Variants in ANAPC1 observed in about 807,000 individuals in gnomAD.
ANAPC1 encodes the protein anaphase-promoting complex subunit 1.
Under a neutral mutation model 208.0 loss-of-function variants are expected in ANAPC1, and 36 were observed. That is an observed-to-expected ratio of 0.17 (90% CI 0.13 to 0.23). The LOEUF is 0.23. ANAPC1 is among the 10% of genes least tolerant of loss of function. The pLI is 1.00. For missense variants in ANAPC1, 942 were observed against 2,011.6 expected (o/e 0.47, Z 10.17); for synonymous variants, 378 against 695.2 (o/e 0.54, Z 7.18).
chr2:111,832,647 T>C (rs1248341929), intron 20 of ANAPC1, among the ~76,000 whole-genome samples: 1 of 152,100 alleles, frequency 6.6e-6, no homozygotes, highest in African/African-American at 2.4e-5. Context: ...GCATCCTTGG[T>C]GGCCTGGCGC....
chr2:111,820,819 A>C (rs191892825), intron 26 of ANAPC1, among the ~76,000 whole-genome samples: 1 of 152,310 alleles, frequency 6.6e-6, no homozygotes, highest in Non-Finnish European at 1.5e-5. Context: ...CAAAAAAAAA[A>C]AATACTCATA....
chr2:111,856,574 G>A, intron 13 of ANAPC1, 40 bp downstream of exon 13: 2 of 1,536,622 alleles, frequency 1.3e-6, no homozygotes, highest in Non-Finnish European at 1.8e-6. Flanking sequence ...CAGGCAGCCT[G>A]AAGTCCTACT....
chr2:111,826,674 T>TA (rs1558696236), intron 21 of ANAPC1, among the ~76,000 whole-genome samples: 22 of 148,930 alleles, frequency 1.5e-4, no homozygotes, highest in African/African-American at 5.4e-4. Context: ...TATTTTTTTT[T>TA]TTTTTGAGAC....
At chr2:111,847,623 C>T (rs1041376185) in intron 15 of ANAPC1, 102 bp downstream of exon 15, 134 of 1,314,540 alleles carry the variant, frequency 1.0e-4, no homozygotes, top group Non-Finnish European at 1.3e-4. Flanking sequence ...TTTTTTAAAT[C>T]ATGAGAAATG....
In ANAPC1 at chr2:111,826,852, G is replaced by T. The variant is rs554183142; in HGVS notation, c.2626-997C>A. Among the ~76,000 whole-genome samples, 47 of 152,062 alleles carry T rather than the reference G, an allele frequency of 3.1e-4. No individual in the cohort carries two copies. The East Asian group carries it at 8.7e-3, about 28-fold the overall frequency. The stretch of plus-strand genomic sequence containing the variant: ...ATTTTTGTATTTTTAGTAGAGACAG[G>T]GTTTCACCATGTTGGCCAGGATGGT... On this transcript the variant is annotated intron_variant, in intron 21 of 47. Coordinates refer to ENST00000341068, the MANE Select transcript of ANAPC1 (RefSeq NM_022662.4).
At position 111,809,074 on chromosome 2, in the gene ANAPC1, G is replaced by C. The variant is rs140589913; in HGVS notation, c.3705C>G (p.Leu1235=). The C allele has an allele frequency of 3.7e-5, 60 of 1,611,960 alleles. 1 individual carries two copies. In the African/African-American group the frequency reaches 6.7e-4, roughly 18 times the overall value. Residue 1235 remains leucine, a synonymous_variant, in exon 29 of 48, where the codon CTC becomes CTG. Transcript: ENST00000341068. ...TRLLSIHIPA[L]LPPTSTELDV... ...CCAGCTCTGTGGACGTTGGGGGTAA[G>C]AGAGCAGGAATGTGAATGCTAAGAA...
Position 111,852,187 on chromosome 2 carries a change from T to C in ANAPC1, c.1516-1277A>G, listed in dbSNP as rs572258322. ...AAAAAGAAAAAAAAACTGAATAAAA[T>C]TTATAATGCAACTAACAGAAGATTC... On this transcript the variant is annotated intron_variant, in intron 13 of 47. Coordinates refer to ENST00000341068, the MANE Select transcript of ANAPC1 (RefSeq NM_022662.4). 1.4e-3 allele frequency among the ~76,000 whole-genome samples: 212 copies of C among 150,156 alleles called. 1 individual carries two copies. The highest frequency in any genetic ancestry group is 5.1e-3 in the African/African-American group (209 of 40,884).
At position 111,788,288 on chromosome 2, in the gene ANAPC1, G is replaced by A; in HGVS notation, c.4745C>T (p.Ala1582Val). The change falls in exon 39 of 48, where the codon GCC (alanine) becomes GTC (valine). Residue 1582 changes from alanine (A) to valine (V), a missense_variant. By Grantham distance (64) the Ala-to-Val change is moderately conservative. Coordinates refer to ENST00000341068, the MANE Select transcript of ANAPC1 (RefSeq NM_022662.4). ...YSLSTSNSSI[A>V]ALLCALYPHF... ...CGGATAAAGGGCACAGAGAAGAGCGGCAATGGAAGAATTTGATGTGCTCAA... is the reference window on the plus strand; with the variant it reads ...CGGATAAAGGGCACAGAGAAGAGCGACAATGGAAGAATTTGATGTGCTCAA... 1 of 1,613,734 alleles carries A rather than the reference G, an allele frequency of 6.2e-7. No individual in the cohort carries two copies. Among genetic ancestry groups the A allele is most frequent in the Non-Finnish European group, 8.5e-7 (1 of 1,179,702 alleles).
intron 26 of ANAPC1, among the ~76,000 whole-genome samples, chr2:111,820,940 C>G (rs1230289679): frequency 6.6e-6 from 1 of 150,626 alleles, no homozygotes; most frequent in Admixed American, 6.6e-5. Flanking sequence ...AGGTAACTAT[C>G]AGGCAAAATA....
At position 111,876,171 on chromosome 2, in the gene ANAPC1, C is replaced by G. The variant is rs1683014798; in HGVS notation, c.376-2507G>C. 3.3e-5 allele frequency among the ~76,000 whole-genome samples: 5 copies of G among 152,078 alleles called. No individual in the cohort carries two copies. In the South Asian group the frequency reaches 1.0e-3, roughly 32 times the overall value. On this transcript the variant is annotated intron_variant, in intron 3 of 47. Coordinates refer to ENST00000341068, the MANE Select transcript of ANAPC1 (RefSeq NM_022662.4). The stretch of plus-strand genomic sequence containing the variant: ...TTAGGAGGCCAAGCCAGGAGGATCA[C>G]TAGAGCCCAGGGGTTCAAGACCAGC...
intron 46 of ANAPC1, among the ~76,000 whole-genome samples, chr2:111,773,446 G>A (rs1244454679): frequency 6.6e-6 from 1 of 152,118 alleles, no homozygotes; most frequent in East Asian, 1.9e-4. Context: ...GACCCTTTAC[G>A]TGCCTTACCT....
intron 39 of ANAPC1, among the ~76,000 whole-genome samples, chr2:111,786,078 T>G (rs963674260): frequency 3.3e-5 from 5 of 149,990 alleles, no homozygotes; most frequent in African/African-American, 1.2e-4. Context: ...ACAAAAAAGT[T>G]TTCATATTTT....
intron 16 of ANAPC1, among the ~76,000 whole-genome samples, chr2:111,846,907 C>T (rs147809886): frequency 0.087 from 13,138 of 151,844 alleles, 698 homozygotes; most frequent in East Asian, 0.17. Context: ...CAATATTCCC[C>T]AACAGAAGAA....
chr2:111,832,730 C>A (rs1414991135), intron 20 of ANAPC1, among the ~76,000 whole-genome samples: 13 of 151,848 alleles, frequency 8.6e-5, no homozygotes, highest in Admixed American at 7.2e-4. Context: ...GAGATCAAGA[C>A]CATCCTGTGT....
At chr2:111,798,332 G>C (rs1343266145) in intron 34 of ANAPC1, among the ~76,000 whole-genome samples, 1 of 152,176 alleles carries the variant, frequency 6.6e-6, no homozygotes, top group African/African-American at 2.4e-5. Context: ...CAAACAACGT[G>C]GTTTAGGCTA....
At chr2:111,856,075 A>G (rs1391902151) in intron 13 of ANAPC1, among the ~76,000 whole-genome samples, 1 of 152,160 alleles carries the variant, frequency 6.6e-6, no homozygotes, top group Non-Finnish European at 1.5e-5. Flanking sequence ...CTCTACTAAA[A>G]ATACAAAAAA....
intron 45 of ANAPC1, 143 bp downstream of exon 45, chr2:111,778,532 T>G (rs1677106978): frequency 1.7e-6 from 1 of 580,570 alleles, no homozygotes; most frequent in Admixed American, 3.6e-5. Flanking sequence ...TTTCAAATTT[T>G]ATATGGTTTC....
At position 111,878,944 on chromosome 2, in the gene ANAPC1, T is replaced by C; in HGVS notation, c.241A>G (p.Ser81Gly). The C allele has an allele frequency of 6.3e-7, 1 of 1,589,634 alleles. No individual in the cohort carries two copies. The highest frequency in any genetic ancestry group is 8.5e-7 in the Non-Finnish European group (1 of 1,172,772). Residue 81 changes from serine to glycine, a missense_variant, in exon 3 of 48, where the codon AGT becomes GGT. Physicochemically the swap from Ser to Gly is moderately conservative, Grantham distance 56 (BLOSUM62 0). Transcript: ENST00000341068. Reference protein sequence around the residue: ...KESWQLRKGVSEIGEDVDYDE... With the variant: ...KESWQLRKGVGEIGEDVDYDE... ...TAGTCCACATCTTCTCCAATTTCAC[T>C]TACTCCTTTCCTTAACTGCCAGCTT...
rs750021413 is a variant in ANAPC1, at chr2:111,825,087, G to A, written c.2741+44C>T. 6.8e-6 allele frequency: 11 copies of A among 1,613,752 alleles called. No homozygotes were observed. The African/African-American group carries it at 1.3e-4, about 20-fold the overall frequency. ...ATTAAGCAGAACAGTAAATAATATTGTTTTAAGTGTTTGACATAAAAGCAC... is the reference window on the plus strand; with the variant it reads ...ATTAAGCAGAACAGTAAATAATATTATTTTAAGTGTTTGACATAAAAGCAC... On this transcript the variant is annotated intron_variant, in intron 23 of 47. Coordinates refer to ENST00000341068, the MANE Select transcript of ANAPC1 (RefSeq NM_022662.4).
Sources: gnomAD v4.1 joint callset for allele counts (sites outside exome capture counted in the v4.1 genomes callset) on GRCh38, gnomAD v4.1.1 for gene constraint, MANE v1.5 for transcripts, NCBI Gene and HGNC (gene_info 2026-07-23, HGNC 2026-07-21) for gene names.